RALY: variants seen among roughly 807,000 people sequenced by gnomAD.
RALY encodes RNA-binding protein Raly.
In RALY, 15 loss-of-function variants were observed where a neutral mutation model predicts 30.7. The observed-to-expected ratio is 0.49, with a 90% CI of 0.33 to 0.75. RALY has a LOEUF of 0.75. Among genes scored for constraint, RALY ranks in the 30% least tolerant of loss-of-function variants. The pLI is 0.02. For synonymous variants in RALY, 177 were observed against 170.8 expected (o/e 1.04, Z -0.28); for missense variants, 339 against 414.3 (o/e 0.82, Z 1.58).
intron 1 of RALY, chr20:34,017,424 T>TA (rs1471924164): frequency 6.6e-6 from 1 of 152,234 alleles, no homozygotes; most frequent in East Asian, 1.9e-4. Context: ...CTCTCTTACT[T>TA]ACCCTTCTAC....
intron 2 of RALY, among the ~76,000 whole-genome samples, chr20:34,045,009 A>G (rs538351606): frequency 6.6e-6 from 1 of 152,104 alleles, no homozygotes; most frequent in East Asian, 1.9e-4. Context: ...ACCTGAGCTT[A>G]AGCAATCCTC....
intron 2 of RALY, among the ~76,000 whole-genome samples, chr20:34,056,822 A>G (rs188530381): frequency 7.8e-4 from 119 of 152,364 alleles, no homozygotes; most frequent in African/African-American, 2.7e-3. Context: ...CATTGGAGAT[A>G]ACAGTGTAAA....
At chr20:34,023,862 C>T (rs911839224) in intron 1 of RALY, among the ~76,000 whole-genome samples, 22 of 151,972 alleles carry the variant, frequency 1.4e-4, no homozygotes, top group Non-Finnish European at 2.9e-5. Flanking sequence ...GAGGCTGGAA[C>T]TGCAAATTTC....
chr20:34,063,989 G>A lies in RALY; in HGVS notation c.-9-8077G>A, dbSNP rs143490762. Among the ~76,000 whole-genome samples, 171 of 152,100 alleles carry A rather than the reference G, an allele frequency of 1.1e-3. 1 individual carries two copies. The highest frequency in any genetic ancestry group is 3.9e-3 in the African/African-American group (160 of 41,492). ...ATTTGCTTGAGGTCCCAGACCAACCGCTGGATAAATAAATAAATAAATGAT... is the reference window on the plus strand; with the variant it reads ...ATTTGCTTGAGGTCCCAGACCAACCACTGGATAAATAAATAAATAAATGAT... On this transcript the variant is annotated intron_variant, in intron 2 of 9. Transcript: ENST00000246194.
At chr20:34,013,575 T>G (rs562734829) in intron 1 of RALY, among the ~76,000 whole-genome samples, 1 of 152,280 alleles carries the variant, frequency 6.6e-6, no homozygotes, top group South Asian at 2.1e-4. Flanking sequence ...AGACTCCTGT[T>G]TATCTTTCAT....
chr20:33,994,776 G>T (rs971613706), intron 1 of RALY, among the ~76,000 whole-genome samples: 1 of 152,184 alleles, frequency 6.6e-6, no homozygotes, highest in African/African-American at 2.4e-5. Context: ...TCGCTTTGCG[G>T]GGTGTTCGTG....
intron 1 of RALY, among the ~76,000 whole-genome samples, chr20:34,003,663 G>A (rs934661195): frequency 7.8e-6 from 1 of 128,486 alleles, no homozygotes; most frequent in African/African-American, 3.4e-5. Context: ...TTTTTGAGAC[G>A]GAGTCTCGCT....
intron 3 of RALY, among the ~76,000 whole-genome samples, chr20:34,072,875 G>A (rs1488962243): frequency 6.6e-6 from 1 of 152,028 alleles, no homozygotes; most frequent in Non-Finnish European, 1.5e-5. Flanking sequence ...AGAAGTATAT[G>A]GATTGACTGA....
At chr20:34,071,226 T>C (rs934470490) in intron 2 of RALY, among the ~76,000 whole-genome samples, 4 of 152,134 alleles carry the variant, frequency 2.6e-5, no homozygotes, top group African/African-American at 9.7e-5. Context: ...GCATACCCTT[T>C]TCAAAATGGT....
chr20:33,998,352 G>C (rs1485071071), intron 1 of RALY, among the ~76,000 whole-genome samples: 1 of 152,160 alleles, frequency 6.6e-6, no homozygotes, highest in Non-Finnish European at 1.5e-5. Flanking sequence ...GCCAGGAAAA[G>C]AAGAGATCTG....
intron 9 of RALY, among the ~76,000 whole-genome samples, 173 bp from the exon 10 acceptor site, chr20:34,079,737 G>A (rs528492284): frequency 6.6e-6 from 1 of 152,174 alleles, no homozygotes. Context: ...TTCAGAGAGC[G>A]GGTGAGACTT....
At chr20:34,020,641 A>C (rs1402573086) in intron 1 of RALY, among the ~76,000 whole-genome samples, 1 of 152,174 alleles carries the variant, frequency 6.6e-6, no homozygotes, top group Non-Finnish European at 1.5e-5. Context: ...GTAAAGTTTT[A>C]CTGGAACACA....
intron 2 of RALY, among the ~76,000 whole-genome samples, chr20:34,054,826 A>G (rs141483835): frequency 2.0e-3 from 300 of 151,904 alleles, no homozygotes; most frequent in East Asian, 0.012. Context: ...AAAAAAAAAA[A>G]AAAGAAAGAA....
At chr20:34,000,079 G>C (rs1472421054) in intron 1 of RALY, among the ~76,000 whole-genome samples, 2 of 152,050 alleles carry the variant, frequency 1.3e-5, no homozygotes, top group Non-Finnish European at 2.9e-5. Flanking sequence ...ATTCAATTTT[G>C]GCTTCATGTC....
chr20:34,051,554 T>C (rs1305650009), intron 2 of RALY, among the ~76,000 whole-genome samples: 1 of 152,218 alleles, frequency 6.6e-6, no homozygotes, highest in African/African-American at 2.4e-5. Flanking sequence ...TCTCATAGGA[T>C]AGCGTTTTCA....
intron 1 of RALY, among the ~76,000 whole-genome samples, chr20:33,999,991 C>G (rs953785477): frequency 6.6e-6 from 1 of 151,978 alleles, no homozygotes; most frequent in Non-Finnish European, 1.5e-5. Flanking sequence ...CTTCTTCTCC[C>G]CCTTCTTAGT....
chr20:34,017,929 G>T (rs949455570), intron 1 of RALY, among the ~76,000 whole-genome samples: 1 of 152,208 alleles, frequency 6.6e-6, no homozygotes, highest in Non-Finnish European at 1.5e-5. Flanking sequence ...TATGTTCCTT[G>T]ATAGAAGAGT....
At chr20:34,057,685 A>C (rs948482266) in intron 2 of RALY, among the ~76,000 whole-genome samples, 1 of 151,446 alleles carries the variant, frequency 6.6e-6, no homozygotes, top group Non-Finnish European at 1.5e-5. Context: ...AAAAAAAAAA[A>C]CAACCTCTGA....
Position 34,076,012 on chromosome 20 carries a change from T to C in RALY, c.516T>C (p.Ala172=), listed in dbSNP as rs1267449542. 1.9e-6 allele frequency: 3 copies of C among 1,614,076 alleles called. No individual in the cohort carries two copies. The highest frequency in any genetic ancestry group is 2.7e-5 in the African/African-American group (2 of 74,952). ...VPVKLFARST[A]VTTSSAKIKL... Reference sequence around the variant, plus strand: ...TCAAGCTCTTTGCCCGCTCCACAGCTGTCACCACCAGCTCAGCCAAGATCA... The same window carrying C: ...TCAAGCTCTTTGCCCGCTCCACAGCCGTCACCACCAGCTCAGCCAAGATCA... Residue 172 remains alanine, a synonymous_variant, in exon 6 of 10, where the codon GCT becomes GCC. Transcript: ENST00000246194.
Sources: gnomAD v4.1 joint callset for allele counts (sites outside exome capture counted in the v4.1 genomes callset) on GRCh38, gnomAD v4.1.1 for gene constraint, MANE v1.5 for transcripts, NCBI Gene and HGNC (gene_info 2026-07-23, HGNC 2026-07-21) for gene names.